SETD5: variants seen among roughly 807,000 people sequenced by gnomAD.
SETD5 encodes histone-lysine N-methyltransferase SETD5.
Under a neutral mutation model 153.3 loss-of-function variants are expected in SETD5, and 44 were observed. The observed-to-expected ratio is 0.29, with a 90% confidence interval of 0.23 to 0.37. The LOEUF (loss-of-function observed/expected upper bound fraction) is 0.37. SETD5 is among the 10% of genes least tolerant of loss of function. The pLI is 1.00. For missense variants in SETD5, 1,544 were observed against 1,768.0 expected, an observed-to-expected ratio of 0.87 and a Z score of 2.27; for synonymous variants, 716 against 645.2, an observed-to-expected ratio of 1.11 and a Z score of -1.66.
At chr3:9,421,727 C>T (rs960498960) in intron 1 of SETD5, among the ~76,000 whole-genome samples, 3 of 152,082 alleles carry the variant, frequency 2.0e-5, no homozygotes, top group Non-Finnish European at 2.9e-5. Context: ...TACTTTAACC[C>T]TTTTGAAATA....
chr3:9,433,624 C>T, intron 3 of SETD5: 1 of 1,025,084 alleles, frequency 9.8e-7, no homozygotes, highest in African/African-American at 1.6e-5. Flanking sequence ...CAGACATCTG[C>T]CTGTACTGGC....
intron 18 of SETD5, among the ~76,000 whole-genome samples, chr3:9,470,212 A>G (rs569301238): frequency 2.0e-5 from 3 of 152,318 alleles, no homozygotes; most frequent in Admixed American, 6.5e-5. Flanking sequence ...ACCTAATTCT[A>G]ACTTTCCCAG....
chr3:9,429,944 A>G (rs1559390238), intron 3 of SETD5: 9 of 1,299,856 alleles, frequency 6.9e-6, no homozygotes, highest in African/African-American at 3.0e-5. Context: ...AGCCAAGTCT[A>G]TTCCAGGCAG....
intron 3 of SETD5, chr3:9,430,624 A>G (rs1184165413): frequency 4.9e-6 from 1 of 203,220 alleles, no homozygotes; most frequent in Admixed American, 6.5e-5. Context: ...TACTATGTAG[A>G]TTGTCTAACT....
intron 1 of SETD5, among the ~76,000 whole-genome samples, chr3:9,401,672 C>G (rs1215608843): frequency 6.6e-6 from 1 of 152,168 alleles, no homozygotes; most frequent in Non-Finnish European, 1.5e-5. Context: ...TAGTTAACAG[C>G]AGTCAATGAC....
chr3:9,442,873 TA>T (rs1005811003), intron 10 of SETD5: 114 of 168,818 alleles, frequency 6.8e-4, no homozygotes, highest in Middle Eastern at 2.8e-3. Flanking sequence ...CCGTCTCTAC[TA>T]AAAAAAAATA....
intron 18 of SETD5, among the ~76,000 whole-genome samples, chr3:9,467,199 CAAA>C (rs35894304): frequency 0.14 from 5,451 of 39,912 alleles, 95 homozygotes; most frequent in African/African-American, 0.32. Context: ...GACTCTCTCT[CAAA>C]AAAAAAAAAA....
intron 7 of SETD5, among the ~76,000 whole-genome samples, chr3:9,439,544 C>G (rs1045490637): frequency 6.6e-6 from 1 of 152,216 alleles, no homozygotes; most frequent in African/African-American, 2.4e-5. Flanking sequence ...ATGACATCAT[C>G]ACTGTCAGTG....
intron 1 of SETD5, among the ~76,000 whole-genome samples, chr3:9,417,126 C>G (rs1213112944): frequency 6.6e-6 from 1 of 151,998 alleles, no homozygotes; most frequent in East Asian, 1.9e-4. Context: ...ATGATAGTAA[C>G]CAAAGTTATG....
In SETD5 at chr3:9,417,578, C is replaced by T. The variant is rs369790605; in HGVS notation, c.-176-6889C>T. Among the ~76,000 whole-genome samples, 211 of 151,838 alleles carry T rather than the reference C, an allele frequency of 1.4e-3. 7 individuals are homozygous for T. The East Asian group carries it at 0.025, about 18-fold the overall frequency. On this transcript the variant is annotated intron_variant, in intron 1 of 22. Coordinates refer to ENST00000402198, the MANE Select transcript of SETD5 (RefSeq NM_001080517.3). ...TCCACTCACTGCGAGCTCCGCCTCCCGGGTTCACGCCATTCTCCTGCCTCA... is the reference window on the plus strand; with the variant it reads ...TCCACTCACTGCGAGCTCCGCCTCCTGGGTTCACGCCATTCTCCTGCCTCA...
Position 9,453,822 on chromosome 3 carries a change from A to C in SETD5, c.2430A>C (p.Gln810His). ...PQETRTQHLY[Q>H]SNENSSSSSI... Reference sequence around the variant, plus strand: ...AGACTAGAACTCAGCACCTATACCAAAGCAATGAGAATAGTAGCTCTTCTA... The same window carrying C: ...AGACTAGAACTCAGCACCTATACCACAGCAATGAGAATAGTAGCTCTTCTA... Residue 810 changes from glutamine to histidine, a missense_variant, in exon 17 of 23, where the codon CAA (glutamine) becomes CAC (histidine). Gln to His is a conservative substitution (Grantham distance 24). Transcript: ENST00000402198. 6.2e-7 allele frequency: 1 copy of C among 1,604,524 alleles called. No homozygotes were observed. Among genetic ancestry groups the C allele is most frequent in the Non-Finnish European group, 8.5e-7 (1 of 1,177,262 alleles).
Position 9,441,629 on chromosome 3 carries a change from C to A in SETD5, c.847C>A (p.Arg283=). Residue 283 remains arginine, a synonymous_variant, in exon 9 of 23, where the codon CGG becomes AGG. Transcript: ENST00000402198. ...LGRVTRVQKH[R]KILRAARDLA... is the part of the protein sequence containing the mutation. ...AAGAGTCACTCGTGTTCAAAAGCAC[C>A]GGAAGATCCTGAGGGCTGCAAGAGA... 6.2e-7 allele frequency: 1 copy of A among 1,613,776 alleles called. No individual in the cohort carries two copies. Among genetic ancestry groups the A allele is most frequent in the East Asian group, 2.2e-5 (1 of 44,872 alleles).
intron 7 of SETD5, among the ~76,000 whole-genome samples, chr3:9,439,847 G>C (rs895579309): frequency 6.6e-6 from 1 of 152,182 alleles, no homozygotes; most frequent in Non-Finnish European, 1.5e-5. Context: ...TAGAGTGTTA[G>C]AAAGATATAC....
intron 10 of SETD5, 26 bp downstream of exon 10, chr3:9,442,271 T>G (rs1332917099): frequency 1.4e-6 from 2 of 1,476,870 alleles, no homozygotes; most frequent in Non-Finnish European, 1.9e-6. Context: ...CAACTTCCCT[T>G]TGACTGGAAC....
chr3:9,429,838 A>C, intron 3 of SETD5: 1 of 1,303,268 alleles, frequency 7.7e-7, no homozygotes, highest in Non-Finnish European at 1.0e-6. Flanking sequence ...AAGGAAGTGG[A>C]AGCCCCCTAC....
intron 1 of SETD5, among the ~76,000 whole-genome samples, chr3:9,399,431 CT>C (rs1227327654): frequency 8.8e-5 from 13 of 148,464 alleles, no homozygotes; most frequent in African/African-American, 2.0e-4. Flanking sequence ...GGACGTAGGG[CT>C]TTTTTTTTTC....
Position 9,434,841 on chromosome 3 carries a change from A to C in SETD5, c.347A>C (p.Lys116Thr), listed in dbSNP as rs760497907. Reference protein sequence around the residue: ...CDKCRGMSRGKVIRLHRRKQD... With the variant: ...CDKCRGMSRGTVIRLHRRKQD... The stretch of plus-strand genomic sequence containing the variant: ...CTCTTTAGGGGAATGAGCAGGGGGA[A>C]GGTTATTAGACTTCATCGGCGGAAG... The change falls in exon 6 of 23, where the codon AAG (lysine) becomes ACG (threonine). Residue 116 changes from lysine (K) to threonine (T), a missense_variant. This residue lies in a region of SETD5 where 251 missense variants were observed against 326.9 expected (regional missense o/e 0.77). Coordinates refer to ENST00000402198, the MANE Select transcript of SETD5 (RefSeq NM_001080517.3). The surrounding 1 kb of genome is among the most constrained non-coding windows in gnomAD (Gnocchi z 5.6). 1 of 1,613,538 alleles carries C rather than the reference A, an allele frequency of 6.2e-7. No individual in the cohort carries two copies. Among genetic ancestry groups the C allele is most frequent in the East Asian group, 2.2e-5 (1 of 44,872 alleles).
At chr3:9,405,051 C>T (rs2035436901) in intron 1 of SETD5, among the ~76,000 whole-genome samples, 1 of 152,166 alleles carries the variant, frequency 6.6e-6, no homozygotes, top group South Asian at 2.1e-4. Flanking sequence ...AGGTTGTGGG[C>T]TTGTTTATAT....
chr3:9,455,168 C>CTT lies in SETD5; in HGVS notation c.2476+1321_2476+1322dup, dbSNP rs903600741. 5.0e-3 allele frequency among the ~76,000 whole-genome samples: 499 copies of CTT among 99,882 alleles called. 9 individuals are homozygous for CTT. Among genetic ancestry groups the CTT allele is most frequent in the African/African-American group, 0.01 (261 of 25,254 alleles). 65.5% of individuals were successfully genotyped at this position (99,882 alleles called of 152,430 possible). On this transcript the variant is annotated intron_variant, in intron 17 of 22. Coordinates refer to ENST00000402198, the MANE Select transcript of SETD5 (RefSeq NM_001080517.3). ...GTGAATTGCCTTTTTTTCTTTTTTTCTTTTTTTTTTTTTTTTTTTTTTGAA... is the reference window on the plus strand; with the variant it reads ...GTGAATTGCCTTTTTTTCTTTTTTTCTTTTTTTTTTTTTTTTTTTTTTTTGAA...
Sources: allele counts gnomAD v4.1 joint callset (sites outside exome capture counted in the v4.1 genomes callset), GRCh38; gene constraint gnomAD v4.1.1; regional missense constraint gnomAD v4.1.1; non-coding constraint Gnocchi (gnomAD v3.1); transcripts MANE v1.5; gene names NCBI Gene and HGNC (gene_info 2026-07-23, HGNC 2026-07-21).